SARAF: variants seen among roughly 807,000 people sequenced by gnomAD.
SARAF encodes the protein store-operated calcium entry-associated regulatory factor.
In SARAF, 23 loss-of-function variants were observed where a neutral mutation model predicts 39.7. The observed-to-expected ratio is 0.58, with a 90% CI of 0.42 to 0.82. The LOEUF is 0.82. Ranked by LOEUF, SARAF falls within the 40% of genes least tolerant of loss-of-function variation. The pLI, the probability that SARAF is intolerant of heterozygous loss-of-function variation, is 0.00. For missense variants in SARAF, 384 were observed against 418.5 expected, an observed-to-expected ratio of 0.92 and a Z score of 0.72; for synonymous variants, 175 against 168.5, an observed-to-expected ratio of 1.04 and a Z score of -0.30.
rs1801599219 is a variant in SARAF at position 30,063,256 on chromosome 8, G to A, written c.*632C>T. On this transcript the variant is annotated 3_prime_UTR_variant, in exon 6 of 6. Coordinates refer to ENST00000256255, the MANE Select transcript of SARAF (RefSeq NM_016127.6). Reference sequence around the variant, plus strand: ...AACGAAAGAAATATAGAGGTTTCAAGCATTTTTGCCAGCACAGAGTCATTC... The same window carrying A: ...AACGAAAGAAATATAGAGGTTTCAAACATTTTTGCCAGCACAGAGTCATTC... 2 of 152,198 alleles carry A rather than the reference G, an allele frequency of 1.3e-5. No homozygotes were observed. 9.4% of individuals were successfully genotyped at this position (152,198 alleles called of 1,614,324 possible). A position where few individuals can be genotyped will look rare whatever the true frequency, so the allele number is the denominator to read the frequency against.
At position 30,079,852 on chromosome 8, in the gene SARAF, ATTCT is replaced by A. The variant is rs146131584; in HGVS notation, c.103+2991_103+2994del. Among the ~76,000 whole-genome samples, 1,287 of 152,276 alleles carry A rather than the reference ATTCT, an allele frequency of 8.5e-3. 30 individuals are homozygous for A. The highest frequency in any genetic ancestry group is 0.03 in the African/African-American group (1,239 of 41,538). The stretch of plus-strand genomic sequence containing the variant: ...CCTATAGCATCTTTCTTCCCTAGAG[ATTCT>A]TAAGGTCCAAGAACAAAATTCTAAT... On this transcript the variant is annotated intron_variant, in intron 1 of 5. Transcript: ENST00000256255.
intron 3 of SARAF, among the ~76,000 whole-genome samples, chr8:30,067,811 A>C (rs7011831): frequency 0.91 from 138,083 of 152,150 alleles, 62,922 homozygotes; most frequent in South Asian, 0.95. Context: ...TATAAATAAA[A>C]CTGCTATGAA....
At chr8:30,074,165 G>A in intron 1 of SARAF, 110 bp from the exon 2 acceptor site, 3 of 1,220,032 alleles carry the variant, frequency 2.5e-6, no homozygotes, top group Non-Finnish European at 3.4e-6. Flanking sequence ...GCCTTCTGAG[G>A]ATGGCTAAGA....
At chr8:30,076,005 C>T (rs67533671) in intron 1 of SARAF, among the ~76,000 whole-genome samples, 1 of 111,032 alleles carries the variant, frequency 9.0e-6, no homozygotes, top group African/African-American at 3.8e-5. Context: ...AAAAAAAAAA[C>T]AAAAAACGGG....
chr8:30,064,545 A>AT (rs1327312959), intron 5 of SARAF, among the ~76,000 whole-genome samples: 28 of 32,958 alleles, frequency 8.5e-4, no homozygotes, highest in Non-Finnish European at 1.5e-3. Flanking sequence ...ATATATATAT[A>AT]TATATATATA....
In SARAF at chr8:30,066,159, G is replaced by C; in HGVS notation, c.843-20C>G. 6.4e-7 allele frequency: 1 copy of C among 1,552,074 alleles called. No homozygotes were observed. Among genetic ancestry groups the C allele is most frequent in the Non-Finnish European group, 8.8e-7 (1 of 1,139,612 alleles). On this transcript the variant is annotated intron_variant, in intron 4 of 5. Transcript: ENST00000256255. ...GCCGCTCTTTAAAGGGATAAAAGTA[G>C]GTTAGGCATTTTTTTCTTGTGGCTA...
chr8:30,073,430 AC>A (rs1458269136), intron 2 of SARAF, among the ~76,000 whole-genome samples: 2 of 152,158 alleles, frequency 1.3e-5, no homozygotes, highest in African/African-American at 4.8e-5. Flanking sequence ...AAAAGTAACC[AC>A]CCTCAGTTCT....
chr8:30,071,050 C>T (rs1379767087), intron 2 of SARAF, among the ~76,000 whole-genome samples: 2 of 152,110 alleles, frequency 1.3e-5, no homozygotes, highest in Non-Finnish European at 2.9e-5. Flanking sequence ...TCTTAAGATA[C>T]AAGCTAAAGG....
intron 1 of SARAF, chr8:30,078,177 G>T (rs1296810223): frequency 3.8e-6 from 1 of 264,244 alleles, no homozygotes; most frequent in Non-Finnish European, 7.3e-6. Context: ...AAGACAGTAG[G>T]AGGAAAAAAA....
In SARAF at chr8:30,064,547, A is replaced by ATTTTTTTTT. The variant is rs1319036441; in HGVS notation, c.995-635_995-634insAAAAAAAAA. Reference sequence around the variant, plus strand: ...GTCTTACCTAGCCATATATATATATATATATATATATATATTTTTTTTTTT... The same window carrying ATTTTTTTTT: ...GTCTTACCTAGCCATATATATATATATTTTTTTTTTATATATATATATATTTTTTTTTTT... On this transcript the variant is annotated intron_variant, in intron 5 of 5. Transcript: ENST00000256255. 7.3e-4 allele frequency among the ~76,000 whole-genome samples: 27 copies of ATTTTTTTTT among 37,006 alleles called. 7 individuals carry two copies. Among genetic ancestry groups the ATTTTTTTTT allele is most frequent in the East Asian group, 1.9e-3 (3 of 1,570 alleles). 24.3% of individuals were successfully genotyped at this position (37,006 alleles called of 152,430 possible). A position where few individuals can be genotyped will look rare whatever the true frequency, so the allele number is the denominator to read the frequency against.
At chr8:30,081,327 GTTC>G (rs1309498313) in intron 1 of SARAF, among the ~76,000 whole-genome samples, 7 of 152,132 alleles carry the variant, frequency 4.6e-5, no homozygotes, top group Non-Finnish European at 7.3e-5. Context: ...AGTTTTTATA[GTTC>G]TTCTGGCTCT....
At chr8:30,067,221 CT>C (rs1801710913) in intron 3 of SARAF, among the ~76,000 whole-genome samples, 1 of 152,144 alleles carries the variant, frequency 6.6e-6, no homozygotes, top group Non-Finnish European at 1.5e-5. Flanking sequence ...TTCAGGGTTA[CT>C]TTCTCTCTGC....
chr8:30,069,023 T>C (rs1403292791), intron 3 of SARAF, among the ~76,000 whole-genome samples: 1 of 152,116 alleles, frequency 6.6e-6, no homozygotes, highest in Non-Finnish European at 1.5e-5. Flanking sequence ...AGATTTATAA[T>C]ACTTAAAGAA....
chr8:30,078,705 C>G (rs966699153), intron 1 of SARAF, among the ~76,000 whole-genome samples: 1 of 152,020 alleles, frequency 6.6e-6, no homozygotes, highest in Non-Finnish European at 1.5e-5. Context: ...AATACCCTAT[C>G]TATATAAAAA....
At chr8:30,063,990 T>C (rs934139619) in intron 5 of SARAF, 77 bp from the exon 6 acceptor site, 9 of 1,263,628 alleles carry the variant, frequency 7.1e-6, no homozygotes, top group Non-Finnish European at 1.0e-5. Context: ...AAGTCATACA[T>C]GTTTATTGTC....
intron 5 of SARAF, among the ~76,000 whole-genome samples, chr8:30,064,283 G>A (rs892631409): frequency 6.6e-6 from 1 of 152,078 alleles, no homozygotes; most frequent in South Asian, 2.1e-4. Context: ...GGTAAGAGAC[G>A]TAATGTGGGG....
rs1470454826 is a variant in SARAF at position 30,063,489 on chromosome 8, A to T, written c.*399T>A. 3 of 184,966 alleles carry T rather than the reference A, an allele frequency of 1.6e-5. No individual in the cohort carries two copies. The highest frequency in any genetic ancestry group is 7.1e-5 in the African/African-American group (3 of 42,146). The allele number at this position is 184,966 out of a possible 1,614,324, so 11.5% of individuals were successfully genotyped here. A position where few individuals can be genotyped will look rare whatever the true frequency, so the allele number is the denominator to read the frequency against. On this transcript the variant is annotated 3_prime_UTR_variant, in exon 6 of 6. Coordinates refer to ENST00000256255, the MANE Select transcript of SARAF (RefSeq NM_016127.6). ...ATAATATAATACCAAATAGAATATT[A>T]TAGTCTCTATGAGGTAATAACTCAT...
At chr8:30,068,732 A>G (rs925254775) in intron 3 of SARAF, among the ~76,000 whole-genome samples, 1 of 152,062 alleles carries the variant, frequency 6.6e-6, no homozygotes, top group Non-Finnish European at 1.5e-5. Flanking sequence ...GATTTACAGG[A>G]GTTCATTTTA....
chr8:30,075,873 G>C (rs1413169261), intron 1 of SARAF, among the ~76,000 whole-genome samples: 1 of 150,960 alleles, frequency 6.6e-6, no homozygotes, highest in East Asian at 1.9e-4. Flanking sequence ...ATTTTGGAAG[G>C]AGAAAGTAAA....
Sources: allele counts gnomAD v4.1 joint callset (sites outside exome capture counted in the v4.1 genomes callset), GRCh38; gene constraint gnomAD v4.1.1; transcripts MANE v1.5; gene names NCBI Gene and HGNC (gene_info 2026-07-23, HGNC 2026-07-21).